Variants in NELL1 observed in about 807,000 individuals in gnomAD.
The protein encoded by NELL1 is protein kinase C-binding protein NELL1.
Under a neutral mutation model 107.4 loss-of-function variants are expected in NELL1, and 76 were observed. The observed-to-expected ratio is 0.71, with a 90% confidence interval of 0.59 to 0.86. The LOEUF (loss-of-function observed/expected upper bound fraction) is 0.86, where lower values mean the gene tolerates loss of function less well. NELL1 is among the 40% of genes least tolerant of loss of function. The pLI, the probability that NELL1 is intolerant of heterozygous loss-of-function variation, is 0.00. For missense variants in NELL1, 1,024 were observed against 1,005.5 expected (o/e 1.02, Z -0.25); for synonymous variants, 353 against 341.2 (o/e 1.03, Z -0.38).
At chr11:21,411,303 G>A (rs898585621) in intron 15 of NELL1, among the ~76,000 whole-genome samples, 1 of 151,980 alleles carries the variant, frequency 6.6e-6, no homozygotes, top group Non-Finnish European at 1.5e-5. Flanking sequence ...GTTTCACTGG[G>A]GCTCTGCAAA....
chr11:21,073,790 A>G (rs1057458372), intron 12 of NELL1, among the ~76,000 whole-genome samples: 3 of 152,190 alleles, frequency 2.0e-5, no homozygotes, highest in Non-Finnish European at 4.4e-5. Context: ...ATATTTCTAA[A>G]CGTTACTTCG....
chr11:21,482,454 G>A (rs1185784532), intron 15 of NELL1, among the ~76,000 whole-genome samples: 1 of 152,166 alleles, frequency 6.6e-6, no homozygotes, highest in African/African-American at 2.4e-5. Flanking sequence ...AAATTTGGAT[G>A]CTGGTCACCC....
At chr11:21,230,630 C>T (rs1858023225) in intron 14 of NELL1, among the ~76,000 whole-genome samples, 1 of 152,192 alleles carries the variant, frequency 6.6e-6, no homozygotes, top group African/African-American at 2.4e-5. Context: ...AACACATTGT[C>T]AGTATTCCTC....
At chr11:21,122,794 T>C (rs751292867) in intron 13 of NELL1, among the ~76,000 whole-genome samples, 1 of 152,122 alleles carries the variant, frequency 6.6e-6, no homozygotes, top group Non-Finnish European at 1.5e-5. Context: ...TTGAGTGAGT[T>C]TAGCTGAAAG....
chr11:21,180,691 C>T (rs745310206), intron 13 of NELL1, among the ~76,000 whole-genome samples: 1 of 151,678 alleles, frequency 6.6e-6, no homozygotes. Flanking sequence ...AGTTCCTTAG[C>T]TATGTATTCT....
chr11:21,369,831 A>G (rs1226041986), intron 14 of NELL1, among the ~76,000 whole-genome samples: 1 of 152,096 alleles, frequency 6.6e-6, no homozygotes, highest in East Asian at 1.9e-4. Flanking sequence ...TTTGATATTA[A>G]ATTAACTGGA....
chr11:20,847,493 G>C, intron 3 of NELL1, 90 bp from the exon 4 acceptor site: 1 of 1,337,140 alleles, frequency 7.5e-7, no homozygotes, highest in Non-Finnish European at 1.0e-6. Context: ...TTTAGATTGT[G>C]AGAGACCTGG....
intron 15 of NELL1, among the ~76,000 whole-genome samples, chr11:21,441,330 C>CGTGTGT (rs201892977): frequency 5.7e-5 from 8 of 140,148 alleles, no homozygotes; most frequent in East Asian, 2.0e-4. Flanking sequence ...GAGGCTGTGA[C>CGTGTGT]GTGTGTGTGT....
intron 2 of NELL1, among the ~76,000 whole-genome samples, chr11:20,680,077 G>C (rs75219453): frequency 0.035 from 5,389 of 152,180 alleles, 327 homozygotes; most frequent in African/African-American, 0.12. Context: ...AACTTTGACA[G>C]AGAAGGCCTT....
intron 13 of NELL1, among the ~76,000 whole-genome samples, chr11:21,212,729 AG>A (rs1468369121): frequency 6.6e-6 from 1 of 152,190 alleles, no homozygotes; most frequent in African/African-American, 2.4e-5. Context: ...AGCATTGACA[AG>A]GTGGTATAAG....
At chr11:21,374,529 A>G (rs968671351) in intron 15 of NELL1, among the ~76,000 whole-genome samples, 138 of 152,206 alleles carry the variant, frequency 9.1e-4, no homozygotes, top group African/African-American at 3.2e-3. Flanking sequence ...AATGCTGTTC[A>G]CGTTGGCCAC....
intron 4 of NELL1, among the ~76,000 whole-genome samples, chr11:20,881,714 G>GTT (rs200190268): frequency 1.4e-5 from 2 of 147,548 alleles, no homozygotes; most frequent in Non-Finnish European, 3.0e-5. Flanking sequence ...ATTCTGTTTT[G>GTT]TTTTTTTTTT....
At chr11:20,794,493 A>G (rs1367392878) in intron 3 of NELL1, among the ~76,000 whole-genome samples, 3 of 152,196 alleles carry the variant, frequency 2.0e-5, no homozygotes, top group African/African-American at 7.2e-5. Flanking sequence ...GTACCAGACA[A>G]AGGTATTGCC....
chr11:20,724,098 C>G (rs1265370923), intron 2 of NELL1, among the ~76,000 whole-genome samples: 1 of 151,646 alleles, frequency 6.6e-6, no homozygotes, highest in African/African-American at 2.4e-5. Flanking sequence ...AGCAGCTGGG[C>G]CCTGGGCCTG....
At chr11:21,230,667 T>C (rs1207611023) in intron 14 of NELL1, among the ~76,000 whole-genome samples, 2 of 152,164 alleles carry the variant, frequency 1.3e-5, no homozygotes, top group Non-Finnish European at 2.9e-5. Context: ...TGGTAATGAG[T>C]GAAAAATAAT....
chr11:21,039,392 G>A (rs1472766163), intron 12 of NELL1, among the ~76,000 whole-genome samples: 1 of 152,112 alleles, frequency 6.6e-6, no homozygotes, highest in Non-Finnish European at 1.5e-5. Context: ...CACCATGTTG[G>A]CTAGGCTGGT....
intron 13 of NELL1, among the ~76,000 whole-genome samples, chr11:21,119,243 C>T (rs796932785): frequency 9.9e-5 from 15 of 152,042 alleles, no homozygotes; most frequent in African/African-American, 3.4e-4. Flanking sequence ...ACTAGTCTTT[C>T]CCAATTCTGT....
chr11:21,096,398 G>A (rs866960860), intron 12 of NELL1, among the ~76,000 whole-genome samples: 55 of 152,160 alleles, frequency 3.6e-4, no homozygotes, highest in African/African-American at 1.3e-3. Flanking sequence ...TCTGAGTGGA[G>A]GTTGTATTTT....
rs1287106341 is a variant in NELL1, at chr11:20,707,069, C to CT, written c.184+29015dup. Among the ~76,000 whole-genome samples the CT allele has an allele frequency of 2.0e-5, 3 of 152,116 alleles. No individual in the cohort carries two copies. The South Asian group carries it at 6.2e-4, about 32-fold the overall frequency. On this transcript the variant is annotated intron_variant, in intron 2 of 19. Transcript: ENST00000357134. ...TCTTGGAGGCTTTGTTCATTTTACTCTTTTTTCTCTAAACTTCTCTTCTCG... is the reference window on the plus strand; with the variant it reads ...TCTTGGAGGCTTTGTTCATTTTACTCTTTTTTTCTCTAAACTTCTCTTCTCG...
Sources: allele counts gnomAD v4.1 joint callset (sites outside exome capture counted in the v4.1 genomes callset), GRCh38; gene constraint gnomAD v4.1.1; transcripts MANE v1.5; gene names NCBI Gene and HGNC (gene_info 2026-07-23, HGNC 2026-07-21).